KNG1: variants seen among roughly 807,000 people sequenced by gnomAD.
KNG1 encodes kininogen-1.
Under a neutral mutation model 47.8 loss-of-function variants are expected in KNG1, and 23 were observed. That is an observed-to-expected ratio of 0.48 (90% CI 0.35 to 0.68). The LOEUF is 0.68. Ranked by LOEUF, KNG1 falls within the 30% of genes least tolerant of loss-of-function variation. KNG1 has a pLI of 0.01. For synonymous variants in KNG1, 277 were observed against 277.0 expected (o/e 1.00, Z 0.00); for missense variants, 762 against 790.2 (o/e 0.96, Z 0.43).
At chr3:186,731,475 A>T in intron 5 of KNG1, 70 bp from the exon 6 acceptor site, 2 of 870,182 alleles carry the variant, frequency 2.3e-6, no homozygotes, top group Non-Finnish European at 3.9e-6. Flanking sequence ...CTTCAATTTT[A>T]CTAGTTGTTT....
chr3:186,720,456 A>G (rs1226980034), intron 2 of KNG1: 3 of 526,680 alleles, frequency 5.7e-6, no homozygotes, highest in Non-Finnish European at 6.8e-6. Context: ...TCTAGTGTCC[A>G]GCCAGAACAT....
intron 3 of KNG1, among the ~76,000 whole-genome samples, chr3:186,724,024 A>C (rs1463689799): frequency 3.3e-5 from 5 of 152,142 alleles, no homozygotes; most frequent in Non-Finnish European, 1.5e-5. Context: ...GCTATTGTGA[A>C]TACTGCTGCA....
chr3:186,741,465 T>C, intron 9 of KNG1, 57 bp from the exon 10 acceptor site: 1 of 1,515,918 alleles, frequency 6.6e-7, no homozygotes. Flanking sequence ...TGTTTTTTTC[T>C]ATCATCAATA....
rs905669258 is a variant in KNG1 at position 186,743,493 on chromosome 3, C to T, written c.*1162C>T. The T allele has an allele frequency of 1.8e-6, 1 of 569,806 alleles. No homozygotes were observed. The highest frequency in any genetic ancestry group is 3.0e-5 in the Admixed American group (1 of 33,680). 35.3% of individuals were successfully genotyped at this position (569,806 alleles called of 1,614,324 possible). On this transcript the variant is annotated 3_prime_UTR_variant, in exon 10 of 10. Transcript: ENST00000644859. The stretch of plus-strand genomic sequence containing the variant: ...AACAAGATATGGCTTTAAATAGCTA[C>T]AATCATCTTTGGATGTATATGTCAC...
intron 9 of KNG1, 60 bp downstream of exon 9, chr3:186,739,474 TG>T (rs902248246): frequency 1.7e-6 from 2 of 1,157,096 alleles, no homozygotes; most frequent in African/African-American, 3.0e-5. Context: ...AATCCATATT[TG>T]GGGGCTGAAA....
intron 7 of KNG1, chr3:186,736,770 G>T (rs1251836937): frequency 6.6e-6 from 1 of 152,222 alleles, no homozygotes; most frequent in South Asian, 2.1e-4. Context: ...ACCAGTTGAG[G>T]CCAGGCGTGG....
chr3:186,733,239 T>C (rs1720585672), intron 7 of KNG1, among the ~76,000 whole-genome samples: 1 of 133,918 alleles, frequency 7.5e-6, no homozygotes, highest in East Asian at 2.1e-4. Flanking sequence ...AGCGAGACTC[T>C]GTCTAAATAA....
At chr3:186,731,454 C>A in intron 5 of KNG1, 91 bp from the exon 6 acceptor site, 1 of 761,328 alleles carries the variant, frequency 1.3e-6, no homozygotes, top group Non-Finnish European at 2.3e-6. Flanking sequence ...TTGGAAAGTA[C>A]ACGTCCTATT....
intron 5 of KNG1, among the ~76,000 whole-genome samples, chr3:186,730,418 T>C (rs1339844787): frequency 6.6e-6 from 1 of 151,470 alleles, no homozygotes; most frequent in Non-Finnish European, 1.5e-5. Context: ...AATCCCAGCA[T>C]TTTGGTGGGT....
chr3:186,720,325 A>C (rs769070111), intron 2 of KNG1, 110 bp downstream of exon 2: 1 of 741,440 alleles, frequency 1.3e-6, no homozygotes, highest in Non-Finnish European at 2.4e-6. Flanking sequence ...TGAGAAATGC[A>C]AATAAACATT....
At position 186,743,075 on chromosome 3, in the gene KNG1, C is replaced by A; in HGVS notation, c.*744C>A. On this transcript the variant is annotated 3_prime_UTR_variant, in exon 10 of 10. Transcript: ENST00000644859. ...CTGAGTGAGAGTGTTTCTCATAAGT[C>A]AAAAATTTCTGTTTACTCATTAACT... 2.2e-6 allele frequency: 1 copy of A among 464,968 alleles called. No individual in the cohort carries two copies. Among genetic ancestry groups the A allele is most frequent in the Non-Finnish European group, 2.8e-6 (1 of 354,458 alleles). The allele number at this position is 464,968 out of a possible 1,614,324, so 28.8% of individuals were successfully genotyped here.
Position 186,741,578 on chromosome 3 carries a change from G to A in KNG1, c.1182G>A (p.Gly394=). Residue 394 remains glycine, a synonymous_variant, in exon 10 of 10, where the codon GGG becomes GGA. Transcript: ENST00000644859. ...CACCTTTCCGATCATCACGAATAGG[G>A]GAAATAAAAGAAGAAACAACTGTAA... The part of the protein sequence containing the change: ...GFSPFRSSRI[G]EIKEETTVSP... 6.2e-7 allele frequency: 1 copy of A among 1,610,332 alleles called. No homozygotes were observed. Among genetic ancestry groups the A allele is most frequent in the African/African-American group, 1.3e-5 (1 of 74,564 alleles).
chr3:186,725,697 A>T (rs1277579632), intron 4 of KNG1, among the ~76,000 whole-genome samples: 6 of 143,800 alleles, frequency 4.2e-5, no homozygotes, highest in African/African-American at 1.5e-4. Context: ...GGCGCCCGCC[A>T]CCACACTGGC....
At chr3:186,741,089 G>A (rs1720799493) in intron 9 of KNG1, among the ~76,000 whole-genome samples, 1 of 152,030 alleles carries the variant, frequency 6.6e-6, no homozygotes, top group Non-Finnish European at 1.5e-5. Flanking sequence ...CACGTCCTGG[G>A]TTCAAGCAAT....
intron 7 of KNG1, among the ~76,000 whole-genome samples, chr3:186,735,399 C>T (rs908596782): frequency 6.6e-6 from 1 of 152,108 alleles, no homozygotes; most frequent in Non-Finnish European, 1.5e-5. Flanking sequence ...AGGTGGATCA[C>T]CTGAGGTCAG....
At chr3:186,718,333 C>CCCT (rs1378915630) in intron 1 of KNG1, 21 of 1,794 alleles carry the variant, frequency 0.012, 3 homozygotes, top group Non-Finnish European at 0.023. Context: ...CCACCACCAC[C>CCCT]CACCACCCAC....
intron 1 of KNG1, among the ~76,000 whole-genome samples, chr3:186,719,779 AT>A (rs1320453597): frequency 6.6e-6 from 1 of 152,124 alleles, no homozygotes; most frequent in East Asian, 1.9e-4. Context: ...AAAGATAATT[AT>A]AATCTCACCA....
chr3:186,734,551 A>G (rs1436212911), intron 7 of KNG1: 2 of 152,126 alleles, frequency 1.3e-5, no homozygotes, highest in East Asian at 1.9e-4. Flanking sequence ...GCTTGAGGTC[A>G]GGAGTTTGAG....
intron 7 of KNG1, among the ~76,000 whole-genome samples, chr3:186,733,360 A>G (rs2108631111): frequency 6.6e-6 from 1 of 152,316 alleles, no homozygotes; most frequent in South Asian, 2.1e-4. Flanking sequence ...CTCTCATTAT[A>G]ACATCACATA....
Sources: gnomAD v4.1 joint callset for allele counts (sites outside exome capture counted in the v4.1 genomes callset) on GRCh38, gnomAD v4.1.1 for gene constraint, MANE v1.5 for transcripts, NCBI Gene and HGNC (gene_info 2026-07-23, HGNC 2026-07-21) for gene names.